The following COL4A6 variants were observed in gnomAD, a reference collection of about 807,000 sequenced individuals.
COL4A6 encodes the protein collagen type IV alpha 6 chain, also known as collagen alpha-6(IV) chain.
A neutral mutation model predicts 126.7 loss-of-function variants in COL4A6; 59 were observed. The observed-to-expected ratio is 0.47, with a 90% CI of 0.38 to 0.58. The LOEUF is 0.58. COL4A6 is among the 20% of genes least tolerant of loss of function. The pLI is 0.00. For missense variants in COL4A6, 1,285 were observed against 1,337.3 expected, an observed-to-expected ratio of 0.96 and a Z score of 0.61; for synonymous variants, 547 against 496.6, an observed-to-expected ratio of 1.10 and a Z score of -1.35.
chrX:108,255,220 A>G (rs1449708278), intron 3 of COL4A6, among the ~76,000 whole-genome samples: 1 of 92,086 alleles, frequency 1.1e-5, no homozygotes, highest in Non-Finnish European at 2.1e-5. Flanking sequence ...AAGGAAAGGC[A>G]TCCTCAAATG....
At chrX:108,281,345 C>T (rs1369005816) in intron 3 of COL4A6, among the ~76,000 whole-genome samples, 1 of 82,719 alleles carries the variant, frequency 1.2e-5, no homozygotes, top group African/African-American at 4.4e-5. Flanking sequence ...TTCTTATACA[C>T]CAATAACAGA....
intron 3 of COL4A6, among the ~76,000 whole-genome samples, chrX:108,294,399 G>GT (rs756445902): frequency 2.6e-3 from 215 of 82,292 alleles, no homozygotes; most frequent in Middle Eastern, 5.9e-3. Context: ...GGGCAATTGT[G>GT]TTTTTTTTTT....
Position 108,206,585 on chromosome X carries a change from A to G in COL4A6, c.547-5T>C. 8.3e-7 allele frequency: 1 copy of G among 1,208,018 alleles called. No homozygotes were observed. Among genetic ancestry groups the G allele is most frequent in the Non-Finnish European group, 1.1e-6 (1 of 892,595 alleles). On this transcript the variant is annotated splice_region_variant and splice_polypyrimidine_tract_variant and intron_variant, in intron 8 of 44. Transcript: ENST00000334504. ...TCCGGGTGCTCCTTGTGGGCCCTAG[A>G]GAGGCAAGTTTTTACCAAGTTCAAA...
chrX:108,196,655 G>T, intron 13 of COL4A6, 76 bp from the exon 14 acceptor site: 1 of 887,793 alleles, frequency 1.1e-6, no homozygotes, highest in Non-Finnish European at 1.6e-6. Flanking sequence ...AAGCAAGGAG[G>T]CTATTTTAAT....
intron 3 of COL4A6, among the ~76,000 whole-genome samples, chrX:108,287,729 A>G (rs2038046923): frequency 9.0e-6 from 1 of 111,610 alleles, no homozygotes; most frequent in African/African-American, 3.3e-5. Flanking sequence ...AGGACTCCAA[A>G]TATCTCCGGA....
chrX:108,386,165 T>G (rs1420402103), intron 2 of COL4A6, among the ~76,000 whole-genome samples: 1 of 111,552 alleles, frequency 9.0e-6, no homozygotes, highest in East Asian at 2.8e-4. Flanking sequence ...TTGTGAACAG[T>G]GCCACAATAA....
At chrX:108,363,143 G>A (rs1286753804) in intron 2 of COL4A6, among the ~76,000 whole-genome samples, 7 of 112,090 alleles carry the variant, frequency 6.2e-5, no homozygotes, top group Non-Finnish European at 1.3e-4. Flanking sequence ...TGTAGCTGGA[G>A]GTGATGTGTG....
At position 108,438,253 on chromosome X, in the gene COL4A6, G is replaced by C. The variant is rs1278481426; in HGVS notation, c.-57C>G. 1 of 1,156,120 alleles carries C rather than the reference G, an allele frequency of 8.6e-7. No homozygotes were observed. The highest frequency in any genetic ancestry group is 1.1e-6 in the Non-Finnish European group (1 of 872,135). On this transcript the variant is annotated 5_prime_UTR_variant, in exon 1 of 45. Transcript: ENST00000334504. ...AGACTGCTAAGCGGCTCCGCGGCCC[G>C]TGCTCATCTGGGCTCTGCTGATGCT...
At chrX:108,179,486 A>G in intron 25 of COL4A6, 48 bp from the exon 26 acceptor site, 1 of 1,018,134 alleles carries the variant, frequency 9.8e-7, no homozygotes, top group Non-Finnish European at 1.3e-6. Flanking sequence ...TTTAGAAGCA[A>G]TTTGTCTGAG....
chrX:108,235,740 A>C (rs1009846848), intron 3 of COL4A6, among the ~76,000 whole-genome samples: 4 of 111,771 alleles, frequency 3.6e-5, no homozygotes, highest in Non-Finnish European at 7.5e-5. Flanking sequence ...TGTAGCAATG[A>C]AAACACTTTA....
chrX:108,247,269 C>T (rs1005557246), intron 3 of COL4A6, among the ~76,000 whole-genome samples: 4 of 111,725 alleles, frequency 3.6e-5, no homozygotes, highest in African/African-American at 9.8e-5. Flanking sequence ...TAAAATGGAA[C>T]GATGTTAATA....
At chrX:108,215,797 G>A (rs768726331) in intron 5 of COL4A6, among the ~76,000 whole-genome samples, 1 of 111,252 alleles carries the variant, frequency 9.0e-6, no homozygotes, top group Non-Finnish European at 1.9e-5. Flanking sequence ...TCGGGTCTAG[G>A]GGTAGCTTTG....
chrX:108,409,452 C>T (rs1009054688), intron 2 of COL4A6, among the ~76,000 whole-genome samples: 7 of 112,169 alleles, frequency 6.2e-5, no homozygotes, highest in South Asian at 7.4e-4. Flanking sequence ...ACTGTTATCT[C>T]ACTTTTTCCT....
intron 2 of COL4A6, among the ~76,000 whole-genome samples, chrX:108,323,902 T>C (rs1012732388): frequency 5.4e-5 from 6 of 111,984 alleles, no homozygotes; most frequent in Non-Finnish European, 1.1e-4. Flanking sequence ...CTCAATTTCC[T>C]CAGTTGCGCA....
intron 2 of COL4A6, among the ~76,000 whole-genome samples, chrX:108,430,059 G>A (rs2064152551): frequency 8.9e-6 from 1 of 111,862 alleles, no homozygotes; most frequent in Admixed American, 9.5e-5. Context: ...CCACATGGAT[G>A]TGCTACCAAA....
In COL4A6 at chrX:108,188,608, G is replaced by A; in HGVS notation, c.1496C>T (p.Pro499Leu). Residue 499 changes from proline (P) to leucine (L), a missense_variant, in exon 21 of 45, where the codon CCT becomes CTT. Coordinates refer to ENST00000334504, the MANE Select transcript of COL4A6 (RefSeq NM_033641.4). ...AAGGCCTATGAGACCCCATGGACCA[G>A]GTGGGCCTGGTTCCCCGGGTGGTCC... ...NTGPPGEPGP[P>L]GPWGLIGLPG... The A allele has an allele frequency of 8.3e-7, 1 of 1,198,197 alleles. No individual in the cohort carries two copies. The highest frequency in any genetic ancestry group is 1.1e-6 in the Non-Finnish European group (1 of 888,782).
chrX:108,289,779 C>G (rs1446098139), intron 3 of COL4A6, among the ~76,000 whole-genome samples: 1 of 111,621 alleles, frequency 9.0e-6, no homozygotes, highest in East Asian at 2.8e-4. Context: ...AACGCTCACA[C>G]TTTAATTCTT....
rs1388347701 is a variant in COL4A6 at position 108,297,921 on chromosome X, T to A, written c.144+12827A>T. ...GTCTTCTCCTTTCTATCCCATCTCGTCCCCACACCTCTTTTTCTCTCTCTC... is the reference window on the plus strand; with the variant it reads ...GTCTTCTCCTTTCTATCCCATCTCGACCCCACACCTCTTTTTCTCTCTCTC... On this transcript the variant is annotated intron_variant, in intron 3 of 44. Transcript: ENST00000334504. 8.4e-5 allele frequency among the ~76,000 whole-genome samples: 9 copies of A among 107,612 alleles called. No individual in the cohort carries two copies. In the East Asian group the frequency reaches 2.7e-3, roughly 32 times the overall value. The allele number at this position is 107,612 out of a possible 115,157, so 93.4% of individuals were successfully genotyped here. A position where few individuals can be genotyped will look rare whatever the true frequency, so the allele number is the denominator to read the frequency against.
chrX:108,282,532 G>C (rs2037870404), intron 3 of COL4A6, among the ~76,000 whole-genome samples: 1 of 111,278 alleles, frequency 9.0e-6, no homozygotes, highest in Non-Finnish European at 1.9e-5. Context: ...AATACGAACA[G>C]TTTTACATTG....
Sources: gnomAD v4.1 joint callset for allele counts (sites outside exome capture counted in the v4.1 genomes callset) on GRCh38, gnomAD v4.1.1 for gene constraint, MANE v1.5 for transcripts, NCBI Gene and HGNC (gene_info 2026-07-23, HGNC 2026-07-21) for gene names.